PRKCE: variants seen among roughly 807,000 people sequenced by gnomAD.
PRKCE encodes protein kinase C epsilon, also known as protein kinase C epsilon type.
Under a neutral mutation model 85.4 loss-of-function variants are expected in PRKCE, and 16 were observed. The ratio of observed to expected loss-of-function variants is 0.19; its 90% CI spans 0.13 to 0.28. The LOEUF is 0.28. Ranked by LOEUF, PRKCE falls within the 10% of genes least tolerant of loss-of-function variation. The pLI is 1.00. For missense variants in PRKCE, 573 were observed against 975.2 expected, an observed-to-expected ratio of 0.59 and a Z score of 5.49; for synonymous variants, 388 against 371.5, an observed-to-expected ratio of 1.04 and a Z score of -0.51.
intron 1 of PRKCE, among the ~76,000 whole-genome samples, chr2:45,744,601 T>A (rs1210959612): frequency 6.6e-6 from 1 of 150,556 alleles, no homozygotes; most frequent in East Asian, 1.9e-4. Context: ...TCTTTCCTCC[T>A]TACTTCCTTC....
intron 2 of PRKCE, among the ~76,000 whole-genome samples, chr2:45,900,007 G>A (rs902596681): frequency 6.6e-6 from 1 of 152,062 alleles, no homozygotes; most frequent in Non-Finnish European, 1.5e-5. Flanking sequence ...ACTATATATT[G>A]CACAGTAAAC....
chr2:46,172,074 A>G (rs1678958412), intron 14 of PRKCE, among the ~76,000 whole-genome samples: 1 of 152,222 alleles, frequency 6.6e-6, no homozygotes, highest in African/African-American at 2.4e-5. Context: ...GCATCCTCTC[A>G]GTTCGACTCT....
At chr2:46,142,787 G>A in intron 11 of PRKCE, among the ~76,000 whole-genome samples, 1 of 152,268 alleles carries the variant, frequency 6.6e-6, no homozygotes, top group East Asian at 1.9e-4. Context: ...GCAATCCTGG[G>A]CAGAAGAAAA....
intron 2 of PRKCE, among the ~76,000 whole-genome samples, chr2:45,857,201 C>T (rs971457825): frequency 7.2e-5 from 11 of 152,154 alleles, no homozygotes; most frequent in Admixed American, 5.2e-4. Flanking sequence ...CTAAGTTGCA[C>T]GTGATGCTTT....
Position 45,874,396 on chromosome 2 carries a change from C to T in PRKCE, c.412+31333C>T, listed in dbSNP as rs569595004. Among the ~76,000 whole-genome samples the T allele has an allele frequency of 5.3e-5, 8 of 152,338 alleles. No individual in the cohort carries two copies. The South Asian group carries it at 8.3e-4, about 16-fold the overall frequency. ...TGTGCCTGTCCTCTGGCCTCCTGTCCGGCCATCCTCAGGCTGAGGGAGGAA... is the reference window on the plus strand; with the variant it reads ...TGTGCCTGTCCTCTGGCCTCCTGTCTGGCCATCCTCAGGCTGAGGGAGGAA... On this transcript the variant is annotated intron_variant, in intron 2 of 14. Coordinates refer to ENST00000306156, the MANE Select transcript of PRKCE (RefSeq NM_005400.3).
At chr2:45,762,286 G>T (rs375095506) in intron 1 of PRKCE, among the ~76,000 whole-genome samples, 113 of 152,320 alleles carry the variant, frequency 7.4e-4, no homozygotes, top group Non-Finnish European at 9.4e-4. Flanking sequence ...TGTATCTGGG[G>T]ATGTTGCCCA....
intron 2 of PRKCE, among the ~76,000 whole-genome samples, chr2:45,876,393 G>A (rs943688028): frequency 1.3e-5 from 2 of 152,150 alleles, no homozygotes; most frequent in African/African-American, 4.8e-5. Flanking sequence ...ACTTCCCAAT[G>A]ATCCCAAATG....
chr2:46,086,410 A>C (rs1574433734), intron 11 of PRKCE, 48 bp downstream of exon 11: 1 of 1,581,106 alleles, frequency 6.3e-7, no homozygotes, highest in East Asian at 2.2e-5. Context: ...AAAATAAAGG[A>C]TGCTTCAGAC....
chr2:45,676,616 A>T (rs1676465503), intron 1 of PRKCE: 1 of 152,252 alleles, frequency 6.6e-6, no homozygotes, highest in African/African-American at 2.4e-5. Context: ...TTCATTCTTG[A>T]CTGGACATAC....
chr2:45,908,009 T>C (rs1381015921), intron 2 of PRKCE, among the ~76,000 whole-genome samples: 5 of 152,138 alleles, frequency 3.3e-5, no homozygotes, highest in Non-Finnish European at 7.4e-5. Context: ...TATCACCCCA[T>C]TTTTGAGACG....
chr2:45,997,264 GC>G (rs2104697626), intron 6 of PRKCE, among the ~76,000 whole-genome samples: 1 of 151,964 alleles, frequency 6.6e-6, no homozygotes, highest in South Asian at 2.1e-4. Flanking sequence ...CAAAGAACCA[GC>G]TTTTTGTTGT....
chr2:45,917,435 T>C (rs1211865487), intron 2 of PRKCE, among the ~76,000 whole-genome samples: 1 of 152,080 alleles, frequency 6.6e-6, no homozygotes, highest in Admixed American at 6.5e-5. Context: ...AGTAGCTAGA[T>C]ACAGAGTGTC....
chr2:46,062,263 T>C (rs1022840515), intron 10 of PRKCE, among the ~76,000 whole-genome samples: 2 of 152,248 alleles, frequency 1.3e-5, no homozygotes, highest in Non-Finnish European at 2.9e-5. Flanking sequence ...TCCCCTACTC[T>C]TTTGTTGAGG....
chr2:45,915,757 G>A (rs1192276953), intron 2 of PRKCE, among the ~76,000 whole-genome samples: 2 of 152,204 alleles, frequency 1.3e-5, no homozygotes, highest in Admixed American at 6.5e-5. Flanking sequence ...TTGGTCTCAT[G>A]TACAGACATG....
intron 1 of PRKCE, among the ~76,000 whole-genome samples, chr2:45,792,494 G>GAC (rs1463626653): frequency 0.038 from 5,841 of 152,232 alleles, 383 homozygotes; most frequent in African/African-American, 0.13. Context: ...CTAGAGAAGG[G>GAC]TGCCCTTCCC....
intron 1 of PRKCE, among the ~76,000 whole-genome samples, chr2:45,660,590 C>T (rs115838058): frequency 0.014 from 2,118 of 152,252 alleles, 46 homozygotes; most frequent in African/African-American, 0.048. Context: ...CAAATTCCGG[C>T]GCCTGAACTC....
At chr2:46,149,517 C>T (rs1213310161) in intron 12 of PRKCE, among the ~76,000 whole-genome samples, 1 of 152,126 alleles carries the variant, frequency 6.6e-6, no homozygotes, top group Non-Finnish European at 1.5e-5. Context: ...ATGATCTCTT[C>T]CTTGTAGAGT....
At chr2:46,119,456 C>T (rs554810852) in intron 11 of PRKCE, among the ~76,000 whole-genome samples, 1 of 152,138 alleles carries the variant, frequency 6.6e-6, no homozygotes, top group South Asian at 2.1e-4. Context: ...AATAAAATTC[C>T]TGAGTATAAA....
rs531626693 is a variant in PRKCE, at chr2:45,774,844, A to C, written c.349-68156A>C. On this transcript the variant is annotated intron_variant, in intron 1 of 14. Transcript: ENST00000306156. The surrounding 1 kb of genome is among the most constrained non-coding windows in gnomAD (Gnocchi z 4.3). The stretch of plus-strand genomic sequence containing the variant: ...TGGGAGTCTCAGTCCTGCTCCTCCC[A>C]TTCCTGAGTTCGTCTCCAAGTCCAG... 3.3e-5 allele frequency among the ~76,000 whole-genome samples: 5 copies of C among 152,146 alleles called. 1 individual carries two copies. In the South Asian group the frequency reaches 1.0e-3, roughly 32 times the overall value.
Sources: allele counts gnomAD v4.1 joint callset (sites outside exome capture counted in the v4.1 genomes callset), GRCh38; gene constraint gnomAD v4.1.1; non-coding constraint Gnocchi (gnomAD v3.1); transcripts MANE v1.5; gene names NCBI Gene and HGNC (gene_info 2026-07-23, HGNC 2026-07-21).